Variants in NBAS observed in about 807,000 individuals in gnomAD.
NBAS encodes the protein NAG/BC035112 fusion.
NBAS carries 219 observed loss-of-function variants against 302.5 expected under a neutral mutation model. The ratio of observed to expected loss-of-function variants is 0.72; its 90% CI spans 0.65 to 0.81. The LOEUF (loss-of-function observed/expected upper bound fraction) is 0.81. NBAS is among the 30% of genes least tolerant of loss of function. NBAS has a pLI of 0.00. For synonymous variants in NBAS, 1,118 were observed against 1,021.6 expected (o/e 1.09, Z -1.80); for missense variants, 2,932 against 2,841.6 (o/e 1.03, Z -0.72).
At chr2:15,370,125 A>G (rs1674413274) in intron 31 of NBAS, among the ~76,000 whole-genome samples, 1 of 152,214 alleles carries the variant, frequency 6.6e-6, no homozygotes, top group Non-Finnish European at 1.5e-5. Flanking sequence ...TCCTCAGTAG[A>G]GTATTCTCCA....
chr2:15,349,257 G>A (rs1367778431), intron 35 of NBAS, among the ~76,000 whole-genome samples: 2 of 152,110 alleles, frequency 1.3e-5, no homozygotes, highest in Non-Finnish European at 2.9e-5. Context: ...ATGAAAACTA[G>A]GTCTTCAATT....
At chr2:14,788,603 CTGGCCACAGAACAGCGG>C in the NBAS span, among the ~76,000 whole-genome samples, 1 of 152,170 alleles carries the variant, frequency 6.6e-6, no homozygotes, top group African/African-American at 2.4e-5. Flanking sequence ...CCCTGTTTGC[CTGGCCACAGAACAGCGG>C]TGGCCACAGA....
At chr2:15,422,351 A>T (rs1307769474) in intron 23 of NBAS, among the ~76,000 whole-genome samples, 1 of 152,132 alleles carries the variant, frequency 6.6e-6, no homozygotes, top group Non-Finnish European at 1.5e-5. Flanking sequence ...GGGGCACCAC[A>T]ATTTATCTGT....
chr2:14,812,959 T>G, the NBAS span, among the ~76,000 whole-genome samples: 1 of 152,120 alleles, frequency 6.6e-6, no homozygotes, highest in Non-Finnish European at 1.5e-5. Flanking sequence ...TCTGGTTGTT[T>G]AAAAGTGTGT....
chr2:15,503,192 C>A (rs1280982108), intron 11 of NBAS, among the ~76,000 whole-genome samples: 1 of 152,076 alleles, frequency 6.6e-6, no homozygotes, highest in East Asian at 1.9e-4. Context: ...CCTTTCCGTG[C>A]AATGCCTGAA....
chr2:14,942,345 T>C, the NBAS span, among the ~76,000 whole-genome samples: 1 of 152,166 alleles, frequency 6.6e-6, no homozygotes, highest in Non-Finnish European at 1.5e-5. Flanking sequence ...ATGAGTAGTT[T>C]AGTGCCACCC....
the NBAS span, among the ~76,000 whole-genome samples, chr2:14,860,039 A>G: frequency 1.3e-5 from 2 of 152,118 alleles, no homozygotes; most frequent in African/African-American, 4.8e-5. Flanking sequence ...ATAGAAATTG[A>G]CATTTCCTAA....
intron 10 of NBAS, among the ~76,000 whole-genome samples, chr2:15,506,095 A>T (rs1661835880): frequency 6.6e-6 from 1 of 152,066 alleles, no homozygotes. Context: ...ATGAGATAAA[A>T]GGGAGAGGTA....
the NBAS span, among the ~76,000 whole-genome samples, chr2:14,975,814 A>G: frequency 6.6e-6 from 1 of 150,780 alleles, no homozygotes; most frequent in Non-Finnish European, 1.5e-5. Context: ...CCATTGTTTC[A>G]TCATGACTGG....
At chr2:14,806,386 A>T in the NBAS span, among the ~76,000 whole-genome samples, 13 of 152,216 alleles carry the variant, frequency 8.5e-5, no homozygotes, top group South Asian at 1.0e-3. Flanking sequence ...CTGGGTGCAT[A>T]TTCTTTTCCT....
chr2:14,800,785 G>T, the NBAS span, among the ~76,000 whole-genome samples: 357 of 129,346 alleles, frequency 2.8e-3, 1 homozygote, highest in East Asian at 8.8e-3. Flanking sequence ...GATTTAAATT[G>T]TTTTTGTTTT....
In NBAS at chr2:15,318,667, T is replaced by C. The variant is rs539003066; in HGVS notation, c.4582+9083A>G. ...AGAGACAGAGGAGGCCATTACATAA[T>C]GGTAAAGGGATCAATTCAATAAGAA... On this transcript the variant is annotated intron_variant, in intron 38 of 51. Coordinates refer to ENST00000281513, the MANE Select transcript of NBAS (RefSeq NM_015909.4). Among the ~76,000 whole-genome samples the C allele has an allele frequency of 1.5e-4, 23 of 152,242 alleles. No individual in the cohort carries two copies. In the South Asian group the frequency reaches 4.4e-3, roughly 29 times the overall value.
At chr2:15,094,001 TA>T in the NBAS span, among the ~76,000 whole-genome samples, 1 of 152,254 alleles carries the variant, frequency 6.6e-6, no homozygotes, top group African/African-American at 2.4e-5. Flanking sequence ...TTCTTGTTAC[TA>T]AGAGACTCAG....
At chr2:15,419,559 C>G (rs1677111346) in intron 23 of NBAS, among the ~76,000 whole-genome samples, 1 of 152,104 alleles carries the variant, frequency 6.6e-6, no homozygotes, top group Admixed American at 6.5e-5. Flanking sequence ...GCAGGTGGGA[C>G]TAAAGGCGCA....
chr2:15,071,737 G>A, the NBAS span, among the ~76,000 whole-genome samples: 1 of 151,760 alleles, frequency 6.6e-6, no homozygotes, highest in African/African-American at 2.4e-5. Context: ...GCAGAAGCAC[G>A]AGGATTCAGG....
At chr2:15,354,189 G>A (rs915309955) in intron 33 of NBAS, among the ~76,000 whole-genome samples, 3 of 152,160 alleles carry the variant, frequency 2.0e-5, no homozygotes, top group Non-Finnish European at 4.4e-5. Context: ...AAAAGCACAT[G>A]TAAACTGCAA....
chr2:15,455,349 T>C (rs6732252), intron 21 of NBAS, among the ~76,000 whole-genome samples: 91,924 of 151,958 alleles, frequency 0.6, 28,796 homozygotes, highest in Non-Finnish European at 0.68. Context: ...AATTCATGTG[T>C]CACATTATAG....
chr2:15,352,107 A>G (rs775813263), intron 34 of NBAS, 26 bp from the exon 35 acceptor site: 2 of 1,514,082 alleles, frequency 1.3e-6, no homozygotes, highest in South Asian at 2.3e-5. Flanking sequence ...GCTATATTGT[A>G]AAGGAGTTAC....
At chr2:15,015,149 C>CA in the NBAS span, among the ~76,000 whole-genome samples, 4,742 of 127,146 alleles carry the variant, frequency 0.037, 236 homozygotes, top group African/African-American at 0.12. Context: ...AGAAGTTTCC[C>CA]AAAAAAAAAA....
Sources: allele counts gnomAD v4.1 joint callset (sites outside exome capture counted in the v4.1 genomes callset), GRCh38; gene constraint gnomAD v4.1.1; transcripts MANE v1.5; gene names NCBI Gene and HGNC (gene_info 2026-07-23, HGNC 2026-07-21).